The following APP variants were observed in gnomAD, a reference collection of about 807,000 sequenced individuals.
The protein encoded by APP is amyloid beta precursor protein, also known as amyloid-beta precursor protein.
In APP, 31 loss-of-function variants were observed where a neutral mutation model predicts 101.4. That is an observed-to-expected ratio of 0.31 (90% CI 0.23 to 0.41). APP has a LOEUF of 0.41. APP is among the 10% of genes least tolerant of loss of function. APP has a pLI of 1.00. For missense variants in APP, 839 were observed against 1,003.7 expected, an observed-to-expected ratio of 0.84 and a Z score of 2.22; for synonymous variants, 366 against 364.4, an observed-to-expected ratio of 1.00 and a Z score of -0.05.
At chr21:26,122,258 T>C (rs938942630) in intron 1 of APP, among the ~76,000 whole-genome samples, 8 of 152,202 alleles carry the variant, frequency 5.3e-5, no homozygotes, top group African/African-American at 1.7e-4. Context: ...TTCTGGGCTA[T>C]AGTGAGGGAG....
intron 13 of APP, among the ~76,000 whole-genome samples, chr21:25,952,187 TACATACACAC>T (rs1235418601): frequency 8.1e-5 from 9 of 111,094 alleles, no homozygotes; most frequent in African/African-American, 2.3e-4. Flanking sequence ...GCATATTACA[TACATACACAC>T]ACACACACAC....
chr21:26,019,305 C>G (rs114111361), intron 6 of APP, among the ~76,000 whole-genome samples: 1,936 of 152,304 alleles, frequency 0.013, 42 homozygotes, highest in African/African-American at 0.044. Context: ...TGGACCAATC[C>G]TGTCTCCTAA....
intron 1 of APP, among the ~76,000 whole-genome samples, chr21:26,132,736 C>T (rs767412992): frequency 6.6e-6 from 1 of 152,124 alleles, no homozygotes; most frequent in Non-Finnish European, 1.5e-5. Context: ...ATTAAAAAAT[C>T]AGTAAATTAT....
At chr21:26,145,223 C>G (rs1346857786) in intron 1 of APP, among the ~76,000 whole-genome samples, 1 of 152,166 alleles carries the variant, frequency 6.6e-6, no homozygotes, top group Non-Finnish European at 1.5e-5. Context: ...GAGGGAGCAG[C>G]CTCTAAGGCA....
At chr21:26,116,414 C>G (rs978823373) in intron 1 of APP, among the ~76,000 whole-genome samples, 8 of 152,204 alleles carry the variant, frequency 5.3e-5, no homozygotes, top group Non-Finnish European at 5.9e-5. Flanking sequence ...TATACCTAAT[C>G]TGGACCAGTC....
rs188355125 is a variant in APP, at chr21:25,913,651, G to C, written c.1688-1689C>G. On this transcript the variant is annotated intron_variant, in intron 13 of 17. Coordinates refer to ENST00000346798, the MANE Select transcript of APP (RefSeq NM_000484.4). Reference sequence around the variant, plus strand: ...AACCTTTGCCAGCGAGAAAGCTCTTGAACTCCCCAGGGGCTACGCTGTTCT... The same window carrying C: ...AACCTTTGCCAGCGAGAAAGCTCTTCAACTCCCCAGGGGCTACGCTGTTCT... Among the ~76,000 whole-genome samples the C allele has an allele frequency of 3.8e-3, 576 of 152,282 alleles. 4 individuals are homozygous for C. The highest frequency in any genetic ancestry group is 4.5e-3 in the Non-Finnish European group (303 of 68,028).
At chr21:26,099,954 G>A (rs964899808) in intron 2 of APP, among the ~76,000 whole-genome samples, 9 of 152,280 alleles carry the variant, frequency 5.9e-5, no homozygotes, top group Non-Finnish European at 1.2e-4. Flanking sequence ...TAAATATATT[G>A]TTATATCCAC....
At chr21:26,034,950 G>A (rs1239415988) in intron 5 of APP, among the ~76,000 whole-genome samples, 1 of 152,032 alleles carries the variant, frequency 6.6e-6, no homozygotes, top group Non-Finnish European at 1.5e-5. Context: ...TAAATAGGCT[G>A]CTAGGATTGA....
chr21:25,986,792 T>C (rs776206257), intron 8 of APP, among the ~76,000 whole-genome samples: 3 of 152,246 alleles, frequency 2.0e-5, no homozygotes, highest in African/African-American at 4.8e-5. Flanking sequence ...AGGATTTCCA[T>C]GTTGGCCAAA....
chr21:26,031,868 G>A (rs932772841), intron 5 of APP, among the ~76,000 whole-genome samples: 1 of 152,130 alleles, frequency 6.6e-6, no homozygotes, highest in South Asian at 2.1e-4. Context: ...CCCCAGATTC[G>A]TAAGTGGAGC....
In APP at chr21:26,140,236, A is replaced by G. The variant is rs575238981; in HGVS notation, c.58-28090T>C. 7.2e-6 allele frequency: 11 copies of G among 1,536,118 alleles called. No homozygotes were observed. In the African/African-American group the frequency reaches 1.2e-4, roughly 17 times the overall value. ...GCTGGCTCCAATCATTGTCAATTAC[A>G]TCAGCAACTGTGGAATACTCCCTGA... On this transcript the variant is annotated intron_variant, in intron 1 of 17. Transcript: ENST00000346798.
chr21:25,919,809 T>C (rs2039538339), intron 13 of APP, among the ~76,000 whole-genome samples: 1 of 28,844 alleles, frequency 3.5e-5, no homozygotes, highest in Non-Finnish European at 5.5e-5. Flanking sequence ...CTCTGCAGGA[T>C]ATTATCCAGG....
rs551284093 is a variant in APP at position 25,924,411 on chromosome 21, C to CAAAAAAAAAAAAAAAA, written c.1688-12465_1688-12450dup. Among the ~76,000 whole-genome samples, 461 of 56,790 alleles carry CAAAAAAAAAAAAAAAA rather than the reference C, an allele frequency of 8.1e-3. 5 individuals carry two copies. Among genetic ancestry groups the CAAAAAAAAAAAAAAAA allele is most frequent in the East Asian group, 0.015 (21 of 1,448 alleles). The allele number at this position is 56,790 out of a possible 152,430, so 37.3% of individuals were successfully genotyped here. ...AAAAAAAGATTTGAATTTGCAAATA[C>CAAAAAAAAAAAAAAAA]AAAAAAAAAAAAAAAAGGAAAAAAA... On this transcript the variant is annotated intron_variant, in intron 13 of 17. Coordinates refer to ENST00000346798, the MANE Select transcript of APP (RefSeq NM_000484.4).
chr21:25,899,046 A>G (rs1569026101), intron 15 of APP, among the ~76,000 whole-genome samples: 1 of 152,232 alleles, frequency 6.6e-6, no homozygotes, highest in Non-Finnish European at 1.5e-5. Context: ...CCATTTCCTC[A>G]TCCAATTGTT....
At chr21:26,108,688 C>A (rs2062240803) in intron 2 of APP, among the ~76,000 whole-genome samples, 1 of 152,138 alleles carries the variant, frequency 6.6e-6, no homozygotes, top group Admixed American at 6.5e-5. Context: ...GAGTTCGAGA[C>A]CAGCCTGGCC....
intron 8 of APP, among the ~76,000 whole-genome samples, chr21:25,990,917 A>T (rs1260445298): frequency 6.6e-6 from 1 of 152,164 alleles, no homozygotes; most frequent in African/African-American, 2.4e-5. Flanking sequence ...TACGGAACCA[A>T]CCTAAGTGCC....
chr21:25,912,614 C>T (rs922872391), intron 13 of APP, among the ~76,000 whole-genome samples: 2 of 152,178 alleles, frequency 1.3e-5, no homozygotes, highest in African/African-American at 4.8e-5. Context: ...AGACATCCAG[C>T]CTTCTCTGGA....
intron 8 of APP, among the ~76,000 whole-genome samples, chr21:25,995,904 T>C (rs2043037026): frequency 1.3e-5 from 2 of 152,136 alleles, no homozygotes; most frequent in Admixed American, 1.3e-4. Flanking sequence ...ATTTATCATC[T>C]TTAAAAAAGA....
intron 2 of APP, among the ~76,000 whole-genome samples, chr21:26,094,308 G>C (rs960753563): frequency 6.6e-6 from 1 of 151,962 alleles, no homozygotes; most frequent in Non-Finnish European, 1.5e-5. Flanking sequence ...TTAAGGGGGA[G>C]AACATTAGCA....
Sources: allele counts gnomAD v4.1 joint callset (sites outside exome capture counted in the v4.1 genomes callset), GRCh38; gene constraint gnomAD v4.1.1; transcripts MANE v1.5; gene names NCBI Gene and HGNC (gene_info 2026-07-23, HGNC 2026-07-21).